The following MAPKBP1 variants were observed in gnomAD, a reference collection of about 807,000 sequenced individuals.
MAPKBP1 encodes mitogen-activated protein kinase-binding protein 1.
MAPKBP1 carries 71 observed loss-of-function variants against 170.5 expected under a neutral mutation model. The ratio of observed to expected loss-of-function variants is 0.42; its 90% confidence interval spans 0.34 to 0.51. The LOEUF is 0.51. Among genes scored for constraint, MAPKBP1 ranks in the 20% least tolerant of loss-of-function variants. MAPKBP1 has a pLI of 0.06. For synonymous variants in MAPKBP1, 719 were observed against 757.9 expected (o/e 0.95, Z 0.84); for missense variants, 1,598 against 1,933.0 (o/e 0.83, Z 3.25).
intron 12 of MAPKBP1, chr15:41,816,232 T>G (rs1567151220): frequency 2.6e-6 from 1 of 379,918 alleles, no homozygotes. Flanking sequence ...AGTAACTAAA[T>G]GCAATTTGGA....
intron 3 of MAPKBP1, among the ~76,000 whole-genome samples, chr15:41,802,969 C>T (rs1438680294): frequency 6.6e-6 from 1 of 152,210 alleles, no homozygotes; most frequent in Non-Finnish European, 1.5e-5. Context: ...TACTGTCATA[C>T]ATGCCCTTCG....
intron 25 of MAPKBP1, 43 bp downstream of exon 25, chr15:41,822,153 C>G (rs2065009037): frequency 8.1e-6 from 8 of 987,594 alleles, no homozygotes; most frequent in Non-Finnish European, 1.0e-5. Context: ...GGGGTGGGGC[C>G]TGGAGGTGGG....
rs148091466 is a variant in MAPKBP1 at position 41,813,017 on chromosome 15, G to A, written c.735G>A (p.Ala245=). ...TGGCCTGTGGCAGAGGAAAAAAGGC[G>A]GACAGTACCTTCTGCATCACGTCCT... ...TDVACGRGKK[A]DSTFCITSSG... The change falls in exon 8 of 31, where the codon GCG becomes GCA. Residue 245 remains alanine, a synonymous_variant. Coordinates refer to ENST00000457542, the MANE Select transcript of MAPKBP1 (RefSeq NM_014994.3). 78 of 1,613,934 alleles carry A rather than the reference G, an allele frequency of 4.8e-5. No individual in the cohort carries two copies. The highest frequency in any genetic ancestry group is 8.0e-5 in the African/African-American group (6 of 74,906).
chr15:41,806,238 T>G (rs1389706795), intron 3 of MAPKBP1, among the ~76,000 whole-genome samples: 1 of 152,164 alleles, frequency 6.6e-6, no homozygotes, highest in Admixed American at 6.5e-5. Context: ...TTGGAAACAG[T>G]AGAAGCGGTA....
At chr15:41,781,484 C>G (rs999910639) in intron 2 of MAPKBP1, among the ~76,000 whole-genome samples, 6 of 150,904 alleles carry the variant, frequency 4.0e-5, no homozygotes, top group African/African-American at 1.5e-4. Flanking sequence ...AGATATTTTC[C>G]TTTCCCTGCT....
Position 41,824,574 on chromosome 15 carries a change from G to C in MAPKBP1, c.4299+5G>C. The stretch of plus-strand genomic sequence containing the variant: ...GCAGTGCGGCTCTACCACTCGGTGG[G>C]TGTTAGGTGCCCCCCGGCAGGAAGG... On this transcript the variant is annotated splice_donor_5th_base_variant and intron_variant, in intron 30 of 30. Coordinates refer to ENST00000457542, the MANE Select transcript of MAPKBP1 (RefSeq NM_014994.3). The C allele has an allele frequency of 6.3e-7, 1 of 1,588,072 alleles. No homozygotes were observed. The highest frequency in any genetic ancestry group is 8.6e-7 in the Non-Finnish European group (1 of 1,169,398).
intron 2 of MAPKBP1, among the ~76,000 whole-genome samples, chr15:41,792,824 C>T (rs1460167657): frequency 6.6e-6 from 1 of 152,156 alleles, no homozygotes; most frequent in Non-Finnish European, 1.5e-5. Context: ...TCCTAACTCA[C>T]TTTCTTCAAG....
intron 3 of MAPKBP1, among the ~76,000 whole-genome samples, chr15:41,803,169 CT>C (rs1185395998): frequency 6.6e-6 from 1 of 151,826 alleles, no homozygotes; most frequent in African/African-American, 2.4e-5. Context: ...AATCCTAGCA[CT>C]TTGGGAGGGC....
Position 41,804,652 on chromosome 15 carries a change from T to C in MAPKBP1, c.206+4738T>C, listed in dbSNP as rs577708800. ...CCTGGCCTTTAAGGGCATGTGCTTATGCATGTTTATGAGCAGGTCTCAGCC... is the reference window on the plus strand; with the variant it reads ...CCTGGCCTTTAAGGGCATGTGCTTACGCATGTTTATGAGCAGGTCTCAGCC... On this transcript the variant is annotated intron_variant, in intron 3 of 30. Coordinates refer to ENST00000457542, the MANE Select transcript of MAPKBP1 (RefSeq NM_014994.3). 2.0e-5 allele frequency among the ~76,000 whole-genome samples: 3 copies of C among 152,356 alleles called. No homozygotes were observed. In the South Asian group the frequency reaches 6.2e-4, roughly 32 times the overall value.
chr15:41,784,488 A>C (rs528266256), intron 2 of MAPKBP1, among the ~76,000 whole-genome samples: 1 of 152,008 alleles, frequency 6.6e-6, no homozygotes, highest in Non-Finnish European at 1.5e-5. Flanking sequence ...AAGCTTTTTT[A>C]AAAAAATTAG....
At chr15:41,820,274 C>T (rs898324037) in intron 22 of MAPKBP1, among the ~76,000 whole-genome samples, 2 of 152,174 alleles carry the variant, frequency 1.3e-5, no homozygotes, top group Non-Finnish European at 2.9e-5. Flanking sequence ...CCTGACCGGG[C>T]CAGGGGTCTC....
At chr15:41,780,185 A>G (rs531292673) in intron 2 of MAPKBP1, among the ~76,000 whole-genome samples, 103 of 152,294 alleles carry the variant, frequency 6.8e-4, no homozygotes, top group African/African-American at 2.3e-3. Context: ...TCAGTTTGCA[A>G]TTTAGGGCAG....
chr15:41,813,264 T>G, intron 8 of MAPKBP1, 163 bp downstream of exon 8: 2 of 1,510,132 alleles, frequency 1.3e-6, no homozygotes, highest in South Asian at 1.1e-5. Context: ...CAGCCCTTGG[T>G]GATCTGTATA....
rs571800693 is a variant in MAPKBP1 at position 41,824,646 on chromosome 15, C to G, written c.4299+77C>G. On this transcript the variant is annotated intron_variant, in intron 30 of 30. Coordinates refer to ENST00000457542, the MANE Select transcript of MAPKBP1 (RefSeq NM_014994.3). ...GTGTTTCGGATAACCATGTCCAGAA[C>G]AGTATGCTAAGCCTCTTGTGCTGAC... 9.1e-5 allele frequency: 124 copies of G among 1,358,134 alleles called. 1 individual carries two copies. The South Asian group carries it at 1.2e-3, about 13-fold the overall frequency. The allele number at this position is 1,358,134 out of a possible 1,614,324, so 84.1% of individuals were successfully genotyped here.
At chr15:41,799,176 G>C (rs539155456) in intron 2 of MAPKBP1, among the ~76,000 whole-genome samples, 1 of 152,226 alleles carries the variant, frequency 6.6e-6, no homozygotes, top group Non-Finnish European at 1.5e-5. Context: ...CTCTGTGGGA[G>C]TTGCGGCTTA....
intron 2 of MAPKBP1, among the ~76,000 whole-genome samples, chr15:41,789,310 C>T (rs1239127142): frequency 6.6e-6 from 1 of 151,444 alleles, no homozygotes; most frequent in South Asian, 2.1e-4. Context: ...AAAACTACAA[C>T]TCCACCCCCA....
chr15:41,822,081 G>T lies in MAPKBP1; in HGVS notation c.3002G>T (p.Cys1001Phe). 1 of 1,607,252 alleles carries T rather than the reference G, an allele frequency of 6.2e-7. No homozygotes were observed. The highest frequency in any genetic ancestry group is 8.5e-7 in the Non-Finnish European group (1 of 1,176,838). The change falls in exon 25 of 31, where the codon TGC becomes TTC. Residue 1001 changes from cysteine (C) to phenylalanine (F), a missense_variant. Physicochemically the swap from Cys to Phe is radical, Grantham distance 205. Around this residue, in one of 6 missense-constraint regions of MAPKBP1, gnomAD observed 942 missense variants for 953.2 expected, o/e 0.99. Transcript: ENST00000457542. ...SACSVDYSSS[C>F]LSSPEHPTED... ...TGCTCTGTGGATTACAGCAGCAGCT[G>T]CCTTTCCAGCCCGGAGCACCCCACT... is the stretch of plus-strand genomic sequence containing the variant.
At chr15:41,822,777 G>A (rs907315930) in intron 27 of MAPKBP1, 100 bp downstream of exon 27, 1 of 1,499,892 alleles carries the variant, frequency 6.7e-7, no homozygotes, top group East Asian at 2.3e-5. Context: ...CATGCGCGGG[G>A]TGTTTTGCAC....
chr15:41,793,240 C>G (rs1048291397), intron 2 of MAPKBP1, among the ~76,000 whole-genome samples: 3 of 152,216 alleles, frequency 2.0e-5, no homozygotes, highest in African/African-American at 7.2e-5. Context: ...GTAATCCCAG[C>G]ACTTTGGGAG....
Sources: allele counts gnomAD v4.1 joint callset (sites outside exome capture counted in the v4.1 genomes callset), GRCh38; gene constraint gnomAD v4.1.1; regional missense constraint gnomAD v4.1.1; transcripts MANE v1.5; gene names NCBI Gene and HGNC (gene_info 2026-07-23, HGNC 2026-07-21).